The following OCA2 variants were observed in gnomAD, a reference collection of about 807,000 sequenced individuals.
OCA2 encodes P protein.
In OCA2, 77 loss-of-function variants were observed where a neutral mutation model predicts 100.2. That is an observed-to-expected ratio of 0.77 (90% CI 0.64 to 0.93). The LOEUF is 0.93. Among genes scored for constraint, OCA2 ranks in the 40% least tolerant of loss-of-function variants. The probability of loss-of-function intolerance (pLI) is 0.00; values close to 1 mark genes in which losing one functional copy is unlikely to be tolerated. For missense variants in OCA2, 1,062 were observed against 1,089.1 expected (o/e 0.98, Z 0.35); for synonymous variants, 432 against 439.2 (o/e 0.98, Z 0.21).
At chr15:27,962,341 T>C (rs1036634086) in intron 15 of OCA2, among the ~76,000 whole-genome samples, 12 of 152,232 alleles carry the variant, frequency 7.9e-5, no homozygotes, top group Non-Finnish European at 1.3e-4. Flanking sequence ...AGATATCCCA[T>C]GTCTTACCTC....
intron 18 of OCA2, among the ~76,000 whole-genome samples, chr15:27,938,576 G>T (rs937808211): frequency 3.3e-5 from 5 of 152,172 alleles, no homozygotes; most frequent in Non-Finnish European, 7.3e-5. Flanking sequence ...AAAACTTTCA[G>T]GACACTCAAG....
chr15:27,965,709 G>A lies in OCA2; in HGVS notation c.1636+981C>T, dbSNP rs1458346661. 2.0e-5 allele frequency among the ~76,000 whole-genome samples: 3 copies of A among 152,318 alleles called. No individual in the cohort carries two copies. The East Asian group carries it at 5.8e-4, about 29-fold the overall frequency. ...GTGAGCTCTACAAATTCCCAAAGAA[G>A]AGCGCCTTCATCTGCTGAGCTCTGG... On this transcript the variant is annotated intron_variant, in intron 15 of 23. Coordinates refer to ENST00000354638, the MANE Select transcript of OCA2 (RefSeq NM_000275.3).
intron 19 of OCA2, among the ~76,000 whole-genome samples, chr15:27,906,842 C>T (rs917215853): frequency 1.3e-5 from 2 of 152,194 alleles, no homozygotes; most frequent in Non-Finnish European, 2.9e-5. Context: ...CAGACACCAA[C>T]ATCCACTCAG....
intron 9 of OCA2, among the ~76,000 whole-genome samples, chr15:28,003,800 T>G (rs1030404185): frequency 6.6e-6 from 1 of 152,186 alleles, no homozygotes; most frequent in Non-Finnish European, 1.5e-5. Flanking sequence ...CCTGCTCGCG[T>G]CCTCGATCTG....
At chr15:28,022,295 C>G (rs1438288437) in intron 6 of OCA2, among the ~76,000 whole-genome samples, 1 of 152,184 alleles carries the variant, frequency 6.6e-6, no homozygotes, top group Non-Finnish European at 1.5e-5. Context: ...GAGAGCTCCA[C>G]CACCAACCCC....
chr15:27,985,108 C>T lies in OCA2; in HGVS notation c.1320G>A (p.Leu440=). The part of the protein sequence containing the change: ...CLIAAVLSAF[L]DNVTTMLLFT... ...AGAGGAGCATGGTGGTGACGTTGTCCAAGAAGGCAGAGAGGACGGCCGCGA... is the reference window on the plus strand; with the variant it reads ...AGAGGAGCATGGTGGTGACGTTGTCTAAGAAGGCAGAGAGGACGGCCGCGA... The change falls in exon 13 of 24, where the codon TTG becomes TTA. Residue 440 remains leucine (L), a synonymous_variant. Coordinates refer to ENST00000354638, the MANE Select transcript of OCA2 (RefSeq NM_000275.3). 6.2e-7 allele frequency: 1 copy of T among 1,613,958 alleles called. No homozygotes were observed. Among genetic ancestry groups the T allele is most frequent in the Non-Finnish European group, 8.5e-7 (1 of 1,179,968 alleles).
At chr15:27,940,715 A>G (rs2039617613) in intron 18 of OCA2, among the ~76,000 whole-genome samples, 1 of 152,238 alleles carries the variant, frequency 6.6e-6, no homozygotes, top group Non-Finnish European at 1.5e-5. Flanking sequence ...TGAAAGAAAA[A>G]TTAGGTCAGT....
At chr15:27,750,038 G>A (rs2150961665), downstream of OCA2, among the ~76,000 whole-genome samples, 1 of 152,300 alleles carries the variant, frequency 6.6e-6, no homozygotes, top group Non-Finnish European at 1.5e-5. Flanking sequence ...TTGACCAAGA[G>A]TTAAGTGGGA....
chr15:27,921,089 T>C (rs2140332498), intron 19 of OCA2, among the ~76,000 whole-genome samples: 1 of 151,932 alleles, frequency 6.6e-6, no homozygotes, highest in African/African-American at 2.4e-5. Context: ...AATCTAAAGA[T>C]CTTAAAAGTT....
chr15:27,739,148 C>T, the OCA2 span, among the ~76,000 whole-genome samples: 1 of 152,014 alleles, frequency 6.6e-6, no homozygotes, highest in East Asian at 1.9e-4. Flanking sequence ...CAGATACCTT[C>T]GTGATGAAAA....
the OCA2 span, among the ~76,000 whole-genome samples, chr15:27,719,439 G>A: frequency 6.6e-6 from 1 of 152,036 alleles, no homozygotes; most frequent in Non-Finnish European, 1.5e-5. Context: ...TTCCCACTGG[G>A]GGCTAGGGTT....
rs905832235 is a variant in OCA2 at position 28,031,999 on chromosome 15, C to T, written c.326+66G>A. On this transcript the variant is annotated intron_variant, in intron 3 of 23. Transcript: ENST00000354638. ...AATAAAAATTCGTGTCTCAAGTTCT[C>T]CAGCATACATGCCAGGTGCAATGCT... The T allele has an allele frequency of 3.4e-5, 42 of 1,231,062 alleles. No individual in the cohort carries two copies. In the African/African-American group the frequency reaches 5.5e-4, roughly 16 times the overall value. The allele number at this position is 1,231,062 out of a possible 1,614,324, so 76.3% of individuals were successfully genotyped here.
chr15:27,883,235 G>A (rs1441138779), intron 19 of OCA2, among the ~76,000 whole-genome samples: 2 of 152,256 alleles, frequency 1.3e-5, no homozygotes, highest in Admixed American at 6.5e-5. Flanking sequence ...AAATCCAGGA[G>A]AGAAGAAAAC....
intron 22 of OCA2, among the ~76,000 whole-genome samples, chr15:27,847,551 G>A (rs1288188270): frequency 6.6e-6 from 1 of 152,172 alleles, no homozygotes; most frequent in Non-Finnish European, 1.5e-5. Context: ...GCCAAAGACA[G>A]GAGGCCACGG....
chr15:27,952,343 T>C (rs1047441082), intron 17 of OCA2, among the ~76,000 whole-genome samples: 2 of 152,126 alleles, frequency 1.3e-5, no homozygotes, highest in South Asian at 4.2e-4. Context: ...GGTGCACTCT[T>C]AGCGCTGGAA....
At chr15:28,063,031 A>G (rs1317524602) in intron 2 of OCA2, among the ~76,000 whole-genome samples, 4 of 152,174 alleles carry the variant, frequency 2.6e-5, no homozygotes, top group African/African-American at 9.6e-5. Context: ...TGTTTTGGCT[A>G]TTCTGGATTG....
intron 19 of OCA2, among the ~76,000 whole-genome samples, chr15:27,923,800 C>A (rs990862296): frequency 6.6e-6 from 1 of 151,964 alleles, no homozygotes; most frequent in African/African-American, 2.4e-5. Context: ...AAATTTTTTT[C>A]CCATTCTGTA....
At chr15:27,885,432 G>A (rs188478160) in intron 19 of OCA2, among the ~76,000 whole-genome samples, 32 of 152,264 alleles carry the variant, frequency 2.1e-4, no homozygotes, top group African/African-American at 7.7e-4. Context: ...ACACAGGCAT[G>A]AACAGGCCTG....
downstream of OCA2, among the ~76,000 whole-genome samples, chr15:27,754,358 C>A (rs541370480): frequency 2.0e-5 from 3 of 152,314 alleles, no homozygotes; most frequent in South Asian, 6.2e-4. Flanking sequence ...GTGCCCTGAG[C>A]ATCTTGGAAC....
Sources: gnomAD v4.1 joint callset for allele counts (sites outside exome capture counted in the v4.1 genomes callset) on GRCh38, gnomAD v4.1.1 for gene constraint, MANE v1.5 for transcripts, NCBI Gene and HGNC (gene_info 2026-07-23, HGNC 2026-07-21) for gene names.